The following ERC2 variants were observed in gnomAD, a reference collection of about 807,000 sequenced individuals.
The protein encoded by ERC2 is ELKS/RAB6-interacting/CAST family member 2, also known as ERC protein 2.
ERC2 carries 42 observed loss-of-function variants against 114.8 expected under a neutral mutation model. The ratio of observed to expected loss-of-function variants is 0.37; its 90% CI spans 0.29 to 0.47. The LOEUF is 0.47. ERC2 is among the 20% of genes least tolerant of loss of function. The pLI is 0.99. For missense variants in ERC2, 939 were observed against 1,150.7 expected (o/e 0.82, Z 2.66); for synonymous variants, 454 against 425.5 (o/e 1.07, Z -0.82).
Position 56,095,030 on chromosome 3 carries a change from A to C in ERC2, c.1474-14046T>G, listed in dbSNP as rs909152758. Among the ~76,000 whole-genome samples the C allele has an allele frequency of 9.8e-5, 15 of 152,302 alleles. No individual in the cohort carries two copies. In the East Asian group the frequency reaches 2.9e-3, roughly 29 times the overall value. Reference sequence around the variant, plus strand: ...CACTTTGGGAGGCCAAGGTGGGAAGACTGCTTGAGGCCAGAAGTTTGAGGC... The same window carrying C: ...CACTTTGGGAGGCCAAGGTGGGAAGCCTGCTTGAGGCCAGAAGTTTGAGGC... On this transcript the variant is annotated intron_variant, in intron 6 of 17. Coordinates refer to ENST00000288221, the MANE Select transcript of ERC2 (RefSeq NM_015576.3).
At chr3:55,991,679 GTGT>G (rs1411383905) in intron 11 of ERC2, among the ~76,000 whole-genome samples, 16 of 152,276 alleles carry the variant, frequency 1.1e-4, no homozygotes, top group African/African-American at 3.4e-4. Flanking sequence ...GTTGGTGGTG[GTGT>G]TGTTGTTGTT....
chr3:56,040,776 AT>A (rs2075141769), intron 7 of ERC2, among the ~76,000 whole-genome samples: 1 of 106,710 alleles, frequency 9.4e-6, no homozygotes, highest in Non-Finnish European at 2.1e-5. Flanking sequence ...ATCTCTATAT[AT>A]AGAGATATAT....
chr3:56,179,766 A>T (rs2083187526), intron 3 of ERC2, among the ~76,000 whole-genome samples: 1 of 151,882 alleles, frequency 6.6e-6, no homozygotes, highest in Admixed American at 6.6e-5. Flanking sequence ...TATGGGAACT[A>T]AGAGTTTTGG....
chr3:56,364,356 C>T (rs2059073860), intron 2 of ERC2, among the ~76,000 whole-genome samples: 1 of 152,074 alleles, frequency 6.6e-6, no homozygotes, highest in Non-Finnish European at 1.5e-5. Context: ...GTAATTAATA[C>T]CATTAGATTG....
intron 3 of ERC2, among the ~76,000 whole-genome samples, chr3:56,243,081 C>A (rs887203847): frequency 1.3e-5 from 2 of 152,138 alleles, no homozygotes; most frequent in African/African-American, 4.8e-5. Flanking sequence ...ACAGAGAGTA[C>A]TCCATGTATA....
intron 6 of ERC2, among the ~76,000 whole-genome samples, chr3:56,123,684 C>G (rs2079714071): frequency 6.6e-6 from 1 of 152,216 alleles, no homozygotes; most frequent in African/African-American, 2.4e-5. Context: ...ACACAGCAGT[C>G]AGAGTGGTTG....
At chr3:56,268,249 C>A (rs1239743091) in intron 3 of ERC2, among the ~76,000 whole-genome samples, 5 of 152,094 alleles carry the variant, frequency 3.3e-5, no homozygotes, top group African/African-American at 1.2e-4. Context: ...AAGTTAGTAG[C>A]CTAGGAGCAA....
At chr3:56,018,841 C>T (rs543122507) in intron 8 of ERC2, 53 bp downstream of exon 8, 2 of 1,581,932 alleles carry the variant, frequency 1.3e-6, no homozygotes, top group South Asian at 2.3e-5. Context: ...ATCAACTTTC[C>T]CCAACTCTGT....
chr3:56,247,202 C>A (rs2051769415), intron 3 of ERC2, among the ~76,000 whole-genome samples: 1 of 152,172 alleles, frequency 6.6e-6, no homozygotes, highest in African/African-American at 2.4e-5. Context: ...CATCACACAG[C>A]AAACATTAAT....
intron 17 of ERC2, among the ~76,000 whole-genome samples, chr3:55,553,509 G>A (rs1008586946): frequency 2.5e-4 from 38 of 151,970 alleles, no homozygotes; most frequent in Non-Finnish European, 5.1e-4. Context: ...GGCTGGGCAC[G>A]GTGGCTCACC....
intron 2 of ERC2, among the ~76,000 whole-genome samples, chr3:56,301,889 T>A (rs1316135527): frequency 1.3e-5 from 2 of 152,144 alleles, no homozygotes; most frequent in Non-Finnish European, 2.9e-5. Context: ...TTAAATTTAA[T>A]GAGGATAAAT....
intron 2 of ERC2, among the ~76,000 whole-genome samples, chr3:56,305,806 T>C (rs1485184319): frequency 1.3e-5 from 2 of 152,242 alleles, no homozygotes; most frequent in African/African-American, 4.8e-5. Context: ...AATAAAGTTT[T>C]AGTGGAACAC....
In ERC2 at chr3:56,288,892, T is replaced by C. The variant is rs948304613; in HGVS notation, c.1074+7127A>G. Among the ~76,000 whole-genome samples the C allele has an allele frequency of 5.9e-5, 9 of 152,278 alleles. No homozygotes were observed. The South Asian group carries it at 1.2e-3, about 21-fold the overall frequency. Reference sequence around the variant, plus strand: ...GGGAAAGAGGCACAAAGGAGAAACATTCAATTCTAGTGGTTAAATACTAGT... The same window carrying C: ...GGGAAAGAGGCACAAAGGAGAAACACTCAATTCTAGTGGTTAAATACTAGT... On this transcript the variant is annotated intron_variant, in intron 3 of 17. Transcript: ENST00000288221.
chr3:55,895,940 G>A (rs1384626188), intron 13 of ERC2, among the ~76,000 whole-genome samples: 8 of 152,152 alleles, frequency 5.3e-5, no homozygotes, highest in Non-Finnish European at 8.8e-5. Context: ...CTCCTGAAAG[G>A]ATGGAGGCCC....
chr3:56,194,933 A>G (rs2048006384), intron 3 of ERC2, among the ~76,000 whole-genome samples: 1 of 152,192 alleles, frequency 6.6e-6, no homozygotes, highest in African/African-American at 2.4e-5. Flanking sequence ...GTCCTCACTT[A>G]TCCAAGGAGA....
chr3:56,436,058 A>G (rs1414422144), intron 1 of ERC2, among the ~76,000 whole-genome samples: 2 of 152,328 alleles, frequency 1.3e-5, no homozygotes, highest in South Asian at 2.1e-4. Flanking sequence ...CATTGTGAGT[A>G]TCCCTTCAAT....
chr3:56,150,146 T>C lies in ERC2; in HGVS notation c.1150-1014A>G, dbSNP rs531983167. 2.6e-5 allele frequency among the ~76,000 whole-genome samples: 4 copies of C among 152,324 alleles called. No homozygotes were observed. The South Asian group carries it at 8.3e-4, about 32-fold the overall frequency. ...TATTAAATGTATAACTGAATGCTAA[T>C]ACAGAACAATCTATCAACTTTTTTA... On this transcript the variant is annotated intron_variant, in intron 4 of 17. Coordinates refer to ENST00000288221, the MANE Select transcript of ERC2 (RefSeq NM_015576.3).
intron 3 of ERC2, among the ~76,000 whole-genome samples, chr3:56,213,449 T>A (rs1308014283): frequency 6.6e-6 from 1 of 152,116 alleles, no homozygotes; most frequent in Non-Finnish European, 1.5e-5. Flanking sequence ...AAAGTGCAAG[T>A]GGGCAGAGAG....
chr3:55,893,011 C>A (rs1482004952), intron 13 of ERC2, among the ~76,000 whole-genome samples: 2 of 152,022 alleles, frequency 1.3e-5, no homozygotes, highest in African/African-American at 4.8e-5. Flanking sequence ...GATTAGTGAC[C>A]TTATGAAAGA....
Sources: allele counts gnomAD v4.1 joint callset (sites outside exome capture counted in the v4.1 genomes callset), GRCh38; gene constraint gnomAD v4.1.1; transcripts MANE v1.5; gene names NCBI Gene and HGNC (gene_info 2026-07-23, HGNC 2026-07-21).